Variants in DENND1A observed in about 807,000 individuals in gnomAD.
DENND1A encodes the protein DENN domain-containing protein 1A.
A neutral mutation model predicts 113.7 loss-of-function variants in DENND1A; 51 were observed. The ratio of observed to expected loss-of-function variants is 0.45; its 90% CI spans 0.36 to 0.57. The LOEUF (loss-of-function observed/expected upper bound fraction) is 0.57, where lower values mean the gene tolerates loss of function less well. DENND1A is among the 20% of genes least tolerant of loss of function. The pLI, the probability that DENND1A is intolerant of heterozygous loss-of-function variation, is 0.00. For missense variants in DENND1A, 1,258 were observed against 1,395.9 expected (o/e 0.90, Z 1.57); for synonymous variants, 565 against 570.8 (o/e 0.99, Z 0.14).
intron 1 of DENND1A, among the ~76,000 whole-genome samples, chr9:123,921,193 C>T (rs1028923367): frequency 6.6e-6 from 1 of 152,122 alleles, no homozygotes; most frequent in African/African-American, 2.4e-5. Flanking sequence ...TTCTCCTCTC[C>T]AAGCAATATT....
rs142025751 is a variant in DENND1A at position 123,786,538 on chromosome 9, T to C, written c.132+6049A>G. ...ACGGAATCTACTTCTCTCCTCCTCT[T>C]TACCTGCTACGTTGTCTGGCTCAAA... On this transcript the variant is annotated intron_variant, in intron 3 of 23. Transcript: ENST00000394215. 5.3e-5 allele frequency among the ~76,000 whole-genome samples: 8 copies of C among 152,284 alleles called. No homozygotes were observed. In the East Asian group the frequency reaches 1.5e-3, roughly 29 times the overall value.
intron 13 of DENND1A, among the ~76,000 whole-genome samples, chr9:123,473,864 T>G (rs1300088109): frequency 6.6e-6 from 1 of 152,070 alleles, no homozygotes; most frequent in African/African-American, 2.4e-5. Flanking sequence ...GCGCCCAGTA[T>G]GGGGAGGACG....
intron 1 of DENND1A, among the ~76,000 whole-genome samples, chr9:123,905,816 A>G (rs1852701750): frequency 6.6e-6 from 1 of 151,294 alleles, no homozygotes; most frequent in Admixed American, 6.6e-5. Context: ...AAAGTCAACA[A>G]GGATACCCAG....
Position 123,572,577 on chromosome 9 carries a change from C to T in DENND1A, c.867+10592G>A, listed in dbSNP as rs187907631. Among the ~76,000 whole-genome samples, 9 of 152,208 alleles carry T rather than the reference C, an allele frequency of 5.9e-5. No homozygotes were observed. The South Asian group carries it at 6.2e-4, about 11-fold the overall frequency. ...ATTTGTACCCTCATGACTAACGATGCGGAGTATCTTTTCATGTGCATGTTG... is the reference window on the plus strand; with the variant it reads ...ATTTGTACCCTCATGACTAACGATGTGGAGTATCTTTTCATGTGCATGTTG... On this transcript the variant is annotated intron_variant, in intron 12 of 23. Transcript: ENST00000394215.
intron 13 of DENND1A, among the ~76,000 whole-genome samples, chr9:123,483,708 C>A (rs1376584184): frequency 6.6e-6 from 1 of 152,168 alleles, no homozygotes; most frequent in East Asian, 1.9e-4. Context: ...CTGGCTCTGT[C>A]GCTCATTATC....
chr9:123,809,237 A>G (rs2132408497), intron 2 of DENND1A, among the ~76,000 whole-genome samples: 1 of 152,282 alleles, frequency 6.6e-6, no homozygotes, highest in South Asian at 2.1e-4. Flanking sequence ...ACAATATTAG[A>G]CTCATAGCAC....
chr9:123,878,810 T>C, intron 2 of DENND1A, 141 bp downstream of exon 2: 1 of 709,002 alleles, frequency 1.4e-6, no homozygotes. Context: ...TAGGATAATG[T>C]GAGCATGAAT....
At chr9:123,394,756 G>A (rs2043031176) in intron 21 of DENND1A, among the ~76,000 whole-genome samples, 4 of 152,242 alleles carry the variant, frequency 2.6e-5, no homozygotes, top group Admixed American at 2.0e-4. Context: ...GCGGTGGAGG[G>A]AAGATGGGGC....
chr9:123,387,540 G>A (rs188135404), intron 22 of DENND1A, among the ~76,000 whole-genome samples, 190 bp downstream of exon 22: 2 of 152,316 alleles, frequency 1.3e-5, no homozygotes, highest in African/African-American at 4.8e-5. Context: ...CTGGCAAAAC[G>A]GATGCCCTGA....
At chr9:123,399,138 G>A (rs1187878422) in intron 21 of DENND1A, among the ~76,000 whole-genome samples, 1 of 152,068 alleles carries the variant, frequency 6.6e-6, no homozygotes, top group African/African-American at 2.4e-5. Flanking sequence ...ACCTCACTGT[G>A]CTCACTGCCG....
At chr9:123,692,022 G>C (rs1300615689) in intron 5 of DENND1A, among the ~76,000 whole-genome samples, 2 of 152,116 alleles carry the variant, frequency 1.3e-5, no homozygotes, top group African/African-American at 2.4e-5. Context: ...GAGAGGAGGG[G>C]AGCTGGACCA....
intron 8 of DENND1A, 34 bp from the exon 9 acceptor site, chr9:123,652,157 A>G (rs1292089542): frequency 6.4e-7 from 1 of 1,560,262 alleles, no homozygotes; most frequent in African/African-American, 1.4e-5. Context: ...TTTGTGGCTG[A>G]TTTTCTTTGT....
chr9:123,572,339 T>A (rs569870729), intron 12 of DENND1A, among the ~76,000 whole-genome samples: 1 of 152,350 alleles, frequency 6.6e-6, no homozygotes, highest in East Asian at 1.9e-4. Context: ...ATTGTTTTTA[T>A]ATTAACCAGT....
At chr9:123,927,370 C>T (rs1169032168) in intron 1 of DENND1A, among the ~76,000 whole-genome samples, 2 of 152,144 alleles carry the variant, frequency 1.3e-5, no homozygotes, top group Non-Finnish European at 2.9e-5. Context: ...ATTCCTTGGT[C>T]ATTAAAATTT....
At chr9:123,852,905 CT>C (rs201831270) in intron 2 of DENND1A, among the ~76,000 whole-genome samples, 10 of 149,110 alleles carry the variant, frequency 6.7e-5, no homozygotes, top group East Asian at 3.9e-4. Flanking sequence ...GTTTTTCTTT[CT>C]TTTTTTTTTC....
At position 123,452,175 on chromosome 9, in the gene DENND1A, C is replaced by G. The variant is rs1167421084; in HGVS notation, c.1299+101G>C. On this transcript the variant is annotated intron_variant, in intron 17 of 23. Transcript: ENST00000394215. ...CACCACTGCACTCCAGCCTGGGCAA[C>G]AGAGCAAGACCCAGTTTCAAAAGTA... 3 of 1,150,748 alleles carry G rather than the reference C, an allele frequency of 2.6e-6. No individual in the cohort carries two copies. In the East Asian group the frequency reaches 7.2e-5, roughly 28 times the overall value. 71.3% of individuals were successfully genotyped at this position (1,150,748 alleles called of 1,614,324 possible).
intron 2 of DENND1A, among the ~76,000 whole-genome samples, chr9:123,874,201 A>T (rs1415327415): frequency 6.0e-5 from 5 of 83,780 alleles, no homozygotes; most frequent in East Asian, 2.4e-4. Flanking sequence ...TTTAAAAAGT[A>T]AAAAAAAAAA....
intron 13 of DENND1A, among the ~76,000 whole-genome samples, chr9:123,482,955 A>G (rs2050471811): frequency 6.6e-6 from 1 of 152,124 alleles, no homozygotes; most frequent in Non-Finnish European, 1.5e-5. Context: ...GCAACAGGGA[A>G]CCCTAAAATT....
intron 11 of DENND1A, among the ~76,000 whole-genome samples, chr9:123,606,288 A>G (rs1489279496): frequency 6.6e-6 from 1 of 152,210 alleles, no homozygotes; most frequent in Non-Finnish European, 1.5e-5. Context: ...GCTGGTTTCA[A>G]GAGTGGGACA....
Sources: allele counts gnomAD v4.1 joint callset (sites outside exome capture counted in the v4.1 genomes callset), GRCh38; gene constraint gnomAD v4.1.1; transcripts MANE v1.5; gene names NCBI Gene and HGNC (gene_info 2026-07-23, HGNC 2026-07-21).